The following FIG4 variants were observed in gnomAD, a reference collection of about 807,000 sequenced individuals.
The protein encoded by FIG4 is FIG4 phosphoinositide 5-phosphatase.
FIG4 carries 112 observed loss-of-function variants against 118.6 expected under a neutral mutation model. The ratio of observed to expected loss-of-function variants is 0.94; its 90% CI spans 0.81 to 1.11. The LOEUF (loss-of-function observed/expected upper bound fraction) is 1.11. Ranked by LOEUF, FIG4 falls within the 50% of genes least tolerant of loss-of-function variation. The pLI, the probability that FIG4 is intolerant of heterozygous loss-of-function variation, is 0.00. For missense variants in FIG4, 969 were observed against 1,111.7 expected, an observed-to-expected ratio of 0.87 and a Z score of 1.83; for synonymous variants, 369 against 381.2, an observed-to-expected ratio of 0.97 and a Z score of 0.37.
chr6:109,727,302 A>G (rs1229787660), intron 4 of FIG4, 37 bp downstream of exon 4: 2 of 1,523,528 alleles, frequency 1.3e-6, no homozygotes, highest in African/African-American at 1.4e-5. Flanking sequence ...TTTTTTGGAG[A>G]CAAGGTCTTG....
chr6:109,787,191 C>G (rs1777991967), intron 18 of FIG4, among the ~76,000 whole-genome samples: 1 of 151,928 alleles, frequency 6.6e-6, no homozygotes. Flanking sequence ...TTGATGGGAC[C>G]CTTTAGGAAA....
At chr6:109,707,484 A>C (rs1775123515) in intron 1 of FIG4, among the ~76,000 whole-genome samples, 1 of 150,180 alleles carries the variant, frequency 6.7e-6, no homozygotes, top group African/African-American at 2.4e-5. Flanking sequence ...TAATAGTAAA[A>C]ATTCCATGTA....
chr6:109,803,059 T>C (rs1019366571), intron 22 of FIG4, among the ~76,000 whole-genome samples: 3 of 152,166 alleles, frequency 2.0e-5, no homozygotes, highest in African/African-American at 7.2e-5. Flanking sequence ...TGGAAAACCA[T>C]ACATAATTCT....
intron 21 of FIG4, among the ~76,000 whole-genome samples, chr6:109,795,803 G>A (rs142390563): frequency 0.01 from 1,581 of 151,840 alleles, 23 homozygotes; most frequent in Non-Finnish European, 0.015. Context: ...GGGTTTCACC[G>A]TGTTAGCCAG....
intron 22 of FIG4, among the ~76,000 whole-genome samples, chr6:109,810,869 C>T (rs780593195): frequency 5.9e-5 from 9 of 152,146 alleles, no homozygotes; most frequent in Non-Finnish European, 1.3e-4. Flanking sequence ...ATAGTTGTCC[C>T]AGTTCCCTCA....
chr6:109,792,455 C>A, intron 20 of FIG4, 127 bp from the exon 21 acceptor site: 1 of 636,134 alleles, frequency 1.6e-6, no homozygotes. Flanking sequence ...GTTTAATGAA[C>A]AGGTTAAAGA....
chr6:109,779,135 T>G (rs576740220), intron 16 of FIG4, among the ~76,000 whole-genome samples: 3 of 152,232 alleles, frequency 2.0e-5, no homozygotes, highest in African/African-American at 7.2e-5. Flanking sequence ...TGAAACTTTA[T>G]TTGTTGAGAG....
chr6:109,732,714 A>G (rs1202558231), intron 5 of FIG4, 27 bp downstream of exon 5: 3 of 1,372,414 alleles, frequency 2.2e-6, no homozygotes, highest in African/African-American at 1.4e-5. Flanking sequence ...TTTTGCTCCT[A>G]TCAATCACAT....
chr6:109,766,398 A>G (rs1162887572), intron 14 of FIG4, among the ~76,000 whole-genome samples: 1 of 152,232 alleles, frequency 6.6e-6, no homozygotes, highest in Non-Finnish European at 1.5e-5. Flanking sequence ...CAGAGAGCAC[A>G]GTACATTCCG....
intron 22 of FIG4, among the ~76,000 whole-genome samples, chr6:109,802,200 A>G (rs1490627003): frequency 1.3e-5 from 2 of 151,920 alleles, no homozygotes; most frequent in African/African-American, 2.4e-5. Flanking sequence ...GACTTTTTCC[A>G]GATATCTTTT....
intron 22 of FIG4, among the ~76,000 whole-genome samples, chr6:109,797,249 G>A (rs1583750047): frequency 6.6e-6 from 1 of 152,170 alleles, no homozygotes; most frequent in Admixed American, 6.5e-5. Context: ...CTTGCTGTAA[G>A]TTAAACAGGT....
At chr6:109,741,085 G>C (rs13203636) in intron 7 of FIG4, among the ~76,000 whole-genome samples, 31,616 of 152,070 alleles carry the variant, frequency 0.21, 3,959 homozygotes, top group Middle Eastern at 0.31. Context: ...ATTACAATTC[G>C]AAATGAGAGT....
chr6:109,762,310 C>A, intron 12 of FIG4, 103 bp downstream of exon 12: 1 of 757,396 alleles, frequency 1.3e-6, no homozygotes, highest in Non-Finnish European at 2.4e-6. Flanking sequence ...TGAATTTAGT[C>A]CTGGGGGGAG....
At chr6:109,734,513 C>G (rs1776104980) in intron 5 of FIG4, among the ~76,000 whole-genome samples, 1 of 150,594 alleles carries the variant, frequency 6.6e-6, no homozygotes, top group African/African-American at 2.4e-5. Flanking sequence ...TTTAAAATAT[C>G]TCTAGCTATA....
intron 1 of FIG4, among the ~76,000 whole-genome samples, chr6:109,698,795 A>G (rs1583623145): frequency 6.6e-6 from 1 of 152,130 alleles, no homozygotes; most frequent in Non-Finnish European, 1.5e-5. Context: ...ACATTAATTC[A>G]TTTTCAAATG....
chr6:109,825,283 C>G lies in FIG4; in HGVS notation c.*18C>G, dbSNP rs374775906. 6.2e-7 allele frequency: 1 copy of G among 1,610,686 alleles called. No homozygotes were observed. Among genetic ancestry groups the G allele is most frequent in the South Asian group, 1.1e-5 (1 of 91,000 alleles). ...ACCTGTGAAAAGAGCGCAGGTCCAC[C>G]TGGTGGACACGTCTGATTAGCTTAG... On this transcript the variant is annotated 3_prime_UTR_variant, in exon 23 of 23. Coordinates refer to ENST00000230124, the MANE Select transcript of FIG4 (RefSeq NM_014845.6).
At chr6:109,820,861 C>G (rs1330826974) in intron 22 of FIG4, among the ~76,000 whole-genome samples, 1 of 152,062 alleles carries the variant, frequency 6.6e-6, no homozygotes, top group Non-Finnish European at 1.5e-5. Context: ...TGGAAGTAAA[C>G]CCCCCACAGC....
In FIG4 at chr6:109,691,320, A is replaced by T. The variant is rs151120474; in HGVS notation, c.-116A>T. On this transcript the variant is annotated 5_prime_UTR_variant, in exon 1 of 23. The change abolishes an upstream ATG in the 5' untranslated region. Coordinates refer to ENST00000230124, the MANE Select transcript of FIG4 (RefSeq NM_014845.6). The stretch of plus-strand genomic sequence containing the variant: ...TGATCATCTATAGGTTTAGTGCCTA[A>T]TGGGTGTTGTTCCTGGCTGGACTTG... 116 of 817,978 alleles carry T rather than the reference A, an allele frequency of 1.4e-4. No homozygotes were observed. The African/African-American group carries it at 1.9e-3, about 13-fold the overall frequency. 50.7% of individuals were successfully genotyped at this position (817,978 alleles called of 1,614,324 possible). A position where few individuals can be genotyped will look rare whatever the true frequency, so the allele number is the denominator to read the frequency against.
chr6:109,695,480 T>C (rs895060032), intron 1 of FIG4, among the ~76,000 whole-genome samples: 1 of 152,168 alleles, frequency 6.6e-6, no homozygotes, highest in Admixed American at 6.6e-5. Context: ...CCTGGGTATT[T>C]TTCTGCTAAA....
Sources: gnomAD v4.1 joint callset for allele counts (sites outside exome capture counted in the v4.1 genomes callset) on GRCh38, gnomAD v4.1.1 for gene constraint, MANE v1.5 for transcripts, NCBI Gene and HGNC (gene_info 2026-07-23, HGNC 2026-07-21) for gene names.